Variants in CACNA1E observed in about 807,000 individuals in gnomAD.
The protein encoded by CACNA1E is voltage-dependent R-type calcium channel subunit alpha-1E.
A neutral mutation model predicts 259.2 loss-of-function variants in CACNA1E; 40 were observed. The ratio of observed to expected loss-of-function variants is 0.15; its 90% CI spans 0.12 to 0.20. CACNA1E has a LOEUF of 0.20. CACNA1E is among the 10% of genes least tolerant of loss of function. The probability of loss-of-function intolerance (pLI) is 1.00; values close to 1 mark genes in which losing one functional copy is unlikely to be tolerated. For missense variants in CACNA1E, 1,874 were observed against 3,040.1 expected (o/e 0.62, Z 9.02); for synonymous variants, 1,104 against 1,138.5 (o/e 0.97, Z 0.61).
chr1:181,751,970 C>G (rs1225187347), intron 26 of CACNA1E, 173 bp from the exon 27 acceptor site: 2 of 699,294 alleles, frequency 2.9e-6, no homozygotes, highest in Non-Finnish European at 5.2e-6. Flanking sequence ...ATTCCTGAAG[C>G]ATTTTTCGCA....
At chr1:181,653,663 T>C (rs1276176278) in intron 7 of CACNA1E, among the ~76,000 whole-genome samples, 3 of 152,244 alleles carry the variant, frequency 2.0e-5, no homozygotes, top group African/African-American at 7.2e-5. Context: ...CTGTAATCTC[T>C]GCCTCTGTGA....
chr1:181,526,723 T>C (rs1347853310), intron 3 of CACNA1E, among the ~76,000 whole-genome samples: 1 of 152,232 alleles, frequency 6.6e-6, no homozygotes, highest in Non-Finnish European at 1.5e-5. Context: ...TAGTTCTGTA[T>C]TTGAAGTCTG....
At chr1:181,514,420 G>C (rs73051962) in intron 3 of CACNA1E, among the ~76,000 whole-genome samples, 3,532 of 152,256 alleles carry the variant, frequency 0.023, 135 homozygotes, top group African/African-American at 0.08. Flanking sequence ...ATTCACCCAA[G>C]ATCACACCTG....
intron 2 of CACNA1E, among the ~76,000 whole-genome samples, chr1:181,441,472 G>T (rs956930061): frequency 6.6e-6 from 1 of 152,118 alleles, no homozygotes; most frequent in Non-Finnish European, 1.5e-5. Flanking sequence ...TTTAACATTT[G>T]TTGATGCCAA....
intron 2 of CACNA1E, among the ~76,000 whole-genome samples, chr1:181,453,151 G>C (rs1391745534): frequency 6.6e-6 from 1 of 152,194 alleles, no homozygotes; most frequent in Non-Finnish European, 1.5e-5. Context: ...TGTCCATTAA[G>C]TTACTTTTTT....
chr1:181,761,111 G>A (rs752429939), intron 32 of CACNA1E, among the ~76,000 whole-genome samples: 16 of 152,166 alleles, frequency 1.1e-4, no homozygotes, highest in Non-Finnish European at 2.4e-4. Flanking sequence ...TGCCCCATAG[G>A]TACATGTGGC....
At chr1:181,538,422 T>C (rs1451643886) in intron 3 of CACNA1E, among the ~76,000 whole-genome samples, 2 of 152,222 alleles carry the variant, frequency 1.3e-5, no homozygotes, top group Admixed American at 1.3e-4. Context: ...AATACCAGCA[T>C]CCAGCACATT....
In CACNA1E at chr1:181,790,524, G is replaced by A. The variant is rs1033770342; in HGVS notation, c.5866G>A (p.Asp1956Asn). Residue 1956 changes from aspartate (D) to asparagine (N), a missense_variant, in exon 44 of 48, where the codon GAT (aspartate) becomes AAT (asparagine). Physicochemically the swap from Asp to Asn is conservative, Grantham distance 23 (BLOSUM62 1). Around this residue, in one of 14 missense-constraint regions of CACNA1E, gnomAD observed 542 missense variants for 587.2 expected, o/e 0.92. Coordinates refer to ENST00000367573, the MANE Select transcript of CACNA1E (RefSeq NM_001205293.3). The part of the protein sequence containing the change: ...IFQLACMDPA[D>N]DGQFQERQSL... Reference sequence around the variant, plus strand: ...CCAGTTGGCTTGTATGGACCCCGCCGATGACGGACAGTTCCAAGAACGGCA... The same window carrying A: ...CCAGTTGGCTTGTATGGACCCCGCCAATGACGGACAGTTCCAAGAACGGCA... The A allele has an allele frequency of 8.1e-6, 13 of 1,611,664 alleles. No homozygotes were observed. Among genetic ancestry groups the A allele is most frequent in the East Asian group, 2.2e-5 (1 of 44,878 alleles).
intron 7 of CACNA1E, among the ~76,000 whole-genome samples, chr1:181,687,745 G>A (rs1293153628): frequency 6.6e-6 from 1 of 152,006 alleles, no homozygotes; most frequent in Non-Finnish European, 1.5e-5. Flanking sequence ...ACAGATTCCA[G>A]GGCATTTTCC....
At chr1:181,607,167 C>T (rs968496156) in intron 6 of CACNA1E, among the ~76,000 whole-genome samples, 2 of 152,138 alleles carry the variant, frequency 1.3e-5, no homozygotes, top group South Asian at 2.1e-4. Flanking sequence ...GAATCTATCT[C>T]GAACACTTTT....
chr1:181,708,674 T>C (rs1441278176), intron 7 of CACNA1E, among the ~76,000 whole-genome samples: 4 of 152,226 alleles, frequency 2.6e-5, no homozygotes, highest in Non-Finnish European at 5.9e-5. Flanking sequence ...ACTTGGGCTC[T>C]TACAAGAGAA....
intron 44 of CACNA1E, among the ~76,000 whole-genome samples, chr1:181,792,089 C>T (rs946553736): frequency 3.9e-5 from 6 of 152,152 alleles, no homozygotes; most frequent in Non-Finnish European, 8.8e-5. Flanking sequence ...CTCTGAGGAA[C>T]TTAGCACCAA....
At chr1:181,570,088 A>G (rs772570345) in intron 3 of CACNA1E, among the ~76,000 whole-genome samples, 22 of 152,086 alleles carry the variant, frequency 1.4e-4, no homozygotes, top group Admixed American at 8.5e-4. Flanking sequence ...CATTTTATAG[A>G]TAAGGAAACT....
intron 3 of CACNA1E, among the ~76,000 whole-genome samples, chr1:181,570,830 C>A (rs1650335200): frequency 6.6e-6 from 1 of 152,234 alleles, no homozygotes. Flanking sequence ...CCACCAGATC[C>A]TTAATCCCAT....
chr1:181,774,735 C>T (rs1267601454), intron 37 of CACNA1E, among the ~76,000 whole-genome samples: 1 of 152,254 alleles, frequency 6.6e-6, no homozygotes, highest in Non-Finnish European at 1.5e-5. Flanking sequence ...TGTCCTTCCT[C>T]CACACTGTCT....
intron 6 of CACNA1E, among the ~76,000 whole-genome samples, chr1:181,588,916 A>G (rs747620592): frequency 3.6e-4 from 55 of 152,234 alleles, no homozygotes; most frequent in Non-Finnish European, 6.6e-4. Context: ...AAATGCTGAC[A>G]GAATCTCAGC....
Position 181,752,349 on chromosome 1 carries a change from A to G in CACNA1E, c.3828+110A>G, listed in dbSNP as rs1657670222. 7.6e-6 allele frequency: 6 copies of G among 789,804 alleles called. No individual in the cohort carries two copies. The South Asian group carries it at 7.7e-5, about 10-fold the overall frequency. 48.9% of individuals were successfully genotyped at this position (789,804 alleles called of 1,614,324 possible). ...TGTTCTGGGAATATTCCTTTTTCTC[A>G]CACGGATATCGAAGTTCTTTTCATC... On this transcript the variant is annotated intron_variant, in intron 27 of 47. Transcript: ENST00000367573.
At chr1:181,621,824 A>T (rs1034564197) in intron 6 of CACNA1E, among the ~76,000 whole-genome samples, 2 of 152,098 alleles carry the variant, frequency 1.3e-5, no homozygotes, top group Non-Finnish European at 2.9e-5. Flanking sequence ...CTATTGTGCT[A>T]CCTAGCCTTG....
In CACNA1E at chr1:181,342,339, G is replaced by C. The variant is rs370307859; in HGVS notation, c.-15+24216G>C. ...TTTTTGGAGAATTTTAAGCAGAGGA[G>C]TGACAGGCTCTGATCTATGTTTAAG... On this transcript the variant is annotated intron_variant, in intron 1 of 11. Coordinates refer to the CACNA1E transcript ENST00000524607. Among the ~76,000 whole-genome samples, 101 of 152,188 alleles carry C rather than the reference G, an allele frequency of 6.6e-4. 1 individual carries two copies. The highest frequency in any genetic ancestry group is 3.4e-3 in the Middle Eastern group (1 of 294).
Sources: allele counts gnomAD v4.1 joint callset (sites outside exome capture counted in the v4.1 genomes callset), GRCh38; gene constraint gnomAD v4.1.1; regional missense constraint gnomAD v4.1.1; transcripts MANE v1.5; gene names NCBI Gene and HGNC (gene_info 2026-07-23, HGNC 2026-07-21).